PTPRT: variants seen among roughly 807,000 people sequenced by gnomAD.
The protein encoded by PTPRT is protein tyrosine phosphatase receptor type T, also known as receptor-type tyrosine-protein phosphatase T.
Under a neutral mutation model 176.8 loss-of-function variants are expected in PTPRT, and 56 were observed. The observed-to-expected ratio is 0.32, with a 90% confidence interval of 0.26 to 0.40. PTPRT has a LOEUF of 0.40. Among genes scored for constraint, PTPRT ranks in the 10% least tolerant of loss-of-function variants. The probability of loss-of-function intolerance (pLI) is 1.00; values close to 1 mark genes in which losing one functional copy is unlikely to be tolerated. For synonymous variants in PTPRT, 783 were observed against 739.0 expected, an observed-to-expected ratio of 1.06 and a Z score of -0.96; for missense variants, 1,540 against 1,908.2, an observed-to-expected ratio of 0.81 and a Z score of 3.60.
chr20:42,196,651 A>C (rs1991228203), intron 16 of PTPRT, among the ~76,000 whole-genome samples: 1 of 152,182 alleles, frequency 6.6e-6, no homozygotes, highest in African/African-American at 2.4e-5. Flanking sequence ...TTTTAAGGAA[A>C]AATCAAGCCC....
Position 43,002,242 on chromosome 20 carries a change from C to A in PTPRT, c.89-116310G>T, listed in dbSNP as rs533007695. Among the ~76,000 whole-genome samples, 25 of 152,302 alleles carry A rather than the reference C, an allele frequency of 1.6e-4. No homozygotes were observed. In the East Asian group the frequency reaches 4.6e-3, roughly 28 times the overall value. ...CTGTGGAACAGTGAAGTCAATTAAA[C>A]CTCTTTCCTTTATTATTACCCACTC... On this transcript the variant is annotated intron_variant, in intron 1 of 30. Coordinates refer to ENST00000373187, the MANE Select transcript of PTPRT (RefSeq NM_007050.6).
At chr20:42,637,177 A>C (rs13040760) in intron 7 of PTPRT, among the ~76,000 whole-genome samples, 60,886 of 152,070 alleles carry the variant, frequency 0.4, 14,748 homozygotes, top group African/African-American at 0.68. Context: ...TCAACAAGTT[A>C]TCAGGTTATT....
chr20:42,138,377 C>A (rs1988472025), intron 18 of PTPRT, among the ~76,000 whole-genome samples: 1 of 152,184 alleles, frequency 6.6e-6, no homozygotes, highest in Non-Finnish European at 1.5e-5. Flanking sequence ...AGGTCGCACC[C>A]ACCTCTGGTC....
intron 7 of PTPRT, among the ~76,000 whole-genome samples, chr20:42,512,444 C>G (rs2071976123): frequency 6.6e-6 from 1 of 152,158 alleles, no homozygotes; most frequent in South Asian, 2.1e-4. Context: ...GAGATTCATC[C>G]AGTTGTGTGT....
rs117497441 is a variant in PTPRT at position 42,604,872 on chromosome 20, C to T, written c.1153+72994G>A. ...TAGGGGCCTGCCCAGTTGACCCAGGCCCCCCTTGAGGCTTGGTGTGTGCTG... is the reference window on the plus strand; with the variant it reads ...TAGGGGCCTGCCCAGTTGACCCAGGTCCCCCTTGAGGCTTGGTGTGTGCTG... On this transcript the variant is annotated intron_variant, in intron 7 of 30. Transcript: ENST00000373187. Among the ~76,000 whole-genome samples the T allele has an allele frequency of 2.4e-3, 371 of 152,282 alleles. 4 individuals are homozygous for T. The highest frequency in any genetic ancestry group is 3.8e-3 in the Non-Finnish European group (261 of 68,006).
At chr20:42,514,910 T>C (rs2072032823) in intron 7 of PTPRT, among the ~76,000 whole-genome samples, 1 of 152,190 alleles carries the variant, frequency 6.6e-6, no homozygotes, top group Non-Finnish European at 1.5e-5. Flanking sequence ...CTGTACTAAC[T>C]TCACATTCTC....
chr20:42,583,461 T>C (rs2073414462), intron 7 of PTPRT, among the ~76,000 whole-genome samples: 1 of 152,228 alleles, frequency 6.6e-6, no homozygotes, highest in South Asian at 2.1e-4. Context: ...CAGAGGATGA[T>C]GACAGAGGGC....
intron 7 of PTPRT, among the ~76,000 whole-genome samples, chr20:42,561,683 C>T (rs989489640): frequency 6.6e-6 from 1 of 152,190 alleles, no homozygotes; most frequent in Non-Finnish European, 1.5e-5. Flanking sequence ...TGCTGCTTGC[C>T]TTTGCCAAGC....
chr20:42,041,036 C>T, the PTPRT span, among the ~76,000 whole-genome samples: 1 of 152,166 alleles, frequency 6.6e-6, no homozygotes, highest in African/African-American at 2.4e-5. Context: ...TCTTGTGTTT[C>T]TGCGTGTGCT....
chr20:42,724,018 G>C (rs544502055), intron 6 of PTPRT, among the ~76,000 whole-genome samples: 1 of 152,278 alleles, frequency 6.6e-6, no homozygotes, highest in South Asian at 2.1e-4. Context: ...AAATAAGCTT[G>C]TATGTAGCAA....
intron 12 of PTPRT, among the ~76,000 whole-genome samples, chr20:42,305,131 T>C (rs1373106075): frequency 1.3e-5 from 2 of 152,136 alleles, no homozygotes; most frequent in African/African-American, 4.8e-5. Flanking sequence ...GGCAGGAGGA[T>C]TGCTTGAGGT....
chr20:42,562,933 T>C (rs2072976427), intron 7 of PTPRT, among the ~76,000 whole-genome samples: 1 of 152,056 alleles, frequency 6.6e-6, no homozygotes, highest in Non-Finnish European at 1.5e-5. Flanking sequence ...GATTAAAAAC[T>C]CGAAGGCAAA....
chr20:42,256,287 G>T (rs1182382446), intron 13 of PTPRT, among the ~76,000 whole-genome samples: 1 of 152,146 alleles, frequency 6.6e-6, no homozygotes, highest in African/African-American at 2.4e-5. Context: ...TGGAATTAAA[G>T]TCCAAGACAG....
At chr20:42,694,477 G>C (rs2075842569) in intron 6 of PTPRT, among the ~76,000 whole-genome samples, 1 of 152,106 alleles carries the variant, frequency 6.6e-6, no homozygotes. Flanking sequence ...GCTATTTTCA[G>C]GTTTTTGCTA....
chr20:42,285,514 C>A (rs2147067751), intron 12 of PTPRT, among the ~76,000 whole-genome samples: 2 of 152,072 alleles, frequency 1.3e-5, no homozygotes, highest in South Asian at 4.2e-4. Context: ...ATCTAAGAAT[C>A]TTTTCTCAGG....
At chr20:42,405,266 A>T (rs1299037209) in intron 9 of PTPRT, among the ~76,000 whole-genome samples, 1 of 151,288 alleles carries the variant, frequency 6.6e-6, no homozygotes, top group African/African-American at 2.4e-5. Flanking sequence ...ATATGTATAC[A>T]TGTGCCATGT....
Position 42,440,988 on chromosome 20 carries a change from G to A in PTPRT, c.1560+7232C>T, listed in dbSNP as rs557872197. Among the ~76,000 whole-genome samples the A allele has an allele frequency of 2.4e-4, 36 of 152,212 alleles. No homozygotes were observed. The South Asian group carries it at 6.2e-3, about 26-fold the overall frequency. ...TTATGGGGAGCAATCTGCTTTACTC[G>A]AAGTCCGCCCATGTAAATGTCAATC... On this transcript the variant is annotated intron_variant, in intron 9 of 30. Coordinates refer to ENST00000373187, the MANE Select transcript of PTPRT (RefSeq NM_007050.6).
chr20:42,880,286 G>A (rs1007890170), intron 2 of PTPRT, among the ~76,000 whole-genome samples: 2 of 152,198 alleles, frequency 1.3e-5, no homozygotes, highest in African/African-American at 4.8e-5. Context: ...CTAGGGAAGA[G>A]GGAGCTCCAA....
At chr20:43,185,021 C>A (rs908620014) in intron 1 of PTPRT, among the ~76,000 whole-genome samples, 2 of 152,184 alleles carry the variant, frequency 1.3e-5, no homozygotes, top group Non-Finnish European at 2.9e-5. Context: ...AACCCCTGTC[C>A]CTGTGGCTGT....
Sources: allele counts gnomAD v4.1 joint callset (sites outside exome capture counted in the v4.1 genomes callset), GRCh38; gene constraint gnomAD v4.1.1; transcripts MANE v1.5; gene names NCBI Gene and HGNC (gene_info 2026-07-23, HGNC 2026-07-21).